Variants in GLT8D2 observed in about 807,000 individuals in gnomAD.
GLT8D2 encodes the protein glycosyltransferase 8 domain containing 2, also known as glycosyltransferase 8 domain-containing protein 2.
GLT8D2 carries 45 observed loss-of-function variants against 44.5 expected under a neutral mutation model. The ratio of observed to expected loss-of-function variants is 1.01; its 90% confidence interval spans 0.80 to 1.30. The LOEUF is 1.30. Among genes scored for constraint, GLT8D2 ranks in the 50% most tolerant of loss-of-function variants. The pLI, the probability that GLT8D2 is intolerant of heterozygous loss-of-function variation, is 0.00. For missense variants in GLT8D2, 400 were observed against 430.4 expected, an observed-to-expected ratio of 0.93 and a Z score of 0.62; for synonymous variants, 156 against 157.2, an observed-to-expected ratio of 0.99 and a Z score of 0.06.
intron 1 of GLT8D2, among the ~76,000 whole-genome samples, chr12:104,058,904 G>A (rs1309553858): frequency 6.6e-6 from 1 of 152,210 alleles, no homozygotes; most frequent in Non-Finnish European, 1.5e-5. Context: ...ACCACGGATA[G>A]CACCAAATCC....
rs368974398 is a variant in GLT8D2, at chr12:104,045,248, T to A, written c.-164+4647A>T. ...CACTCCAGGAATAAAAGCAGAGGGC[T>A]CTGGTCATCTCATCAGCCTTCCTGC... On this transcript the variant is annotated intron_variant, in intron 1 of 10. Coordinates refer to ENST00000360814, the MANE Select transcript of GLT8D2 (RefSeq NM_001384711.1). Among the ~76,000 whole-genome samples the A allele has an allele frequency of 3.4e-3, 523 of 152,294 alleles. 3 individuals carry two copies. The highest frequency in any genetic ancestry group is 0.014 in the South Asian group (68 of 4,822).
intron 1 of GLT8D2, among the ~76,000 whole-genome samples, chr12:104,024,239 CA>C (rs201897810): frequency 6.6e-6 from 1 of 151,840 alleles, no homozygotes; most frequent in African/African-American, 2.4e-5. Context: ...ACAAAACAAA[CA>C]AAAAAACCCT....
At chr12:104,010,151 C>G (rs1875639180) in intron 4 of GLT8D2, among the ~76,000 whole-genome samples, 1 of 152,170 alleles carries the variant, frequency 6.6e-6, no homozygotes, top group African/African-American at 2.4e-5. Flanking sequence ...CGTTTCTTTG[C>G]TGCTGAAAGT....
chr12:103,993,060 G>C (rs1872967092), intron 10 of GLT8D2, among the ~76,000 whole-genome samples: 1 of 152,106 alleles, frequency 6.6e-6, no homozygotes, highest in Non-Finnish European at 1.5e-5. Flanking sequence ...GGCCGGGCAT[G>C]GTGGCTTATG....
Position 104,047,305 on chromosome 12 carries a change from C to CTTT in GLT8D2, c.-164+2587_-164+2589dup, listed in dbSNP as rs35333809. Reference sequence around the variant, plus strand: ...AAGGGGTGAACCAGCTCTCTTAGGCCTTTTTTTTTTTTTTTTGAGATGGAG... The same window carrying CTTT: ...AAGGGGTGAACCAGCTCTCTTAGGCCTTTTTTTTTTTTTTTTTTTGAGATGGAG... On this transcript the variant is annotated intron_variant, in intron 1 of 10. Coordinates refer to ENST00000360814, the MANE Select transcript of GLT8D2 (RefSeq NM_001384711.1). 5.0e-3 allele frequency among the ~76,000 whole-genome samples: 652 copies of CTTT among 130,840 alleles called. 10 individuals carry two copies. The highest frequency in any genetic ancestry group is 0.012 in the African/African-American group (437 of 35,094). 85.8% of individuals were successfully genotyped at this position (130,840 alleles called of 152,430 possible).
intron 4 of GLT8D2, among the ~76,000 whole-genome samples, chr12:104,005,211 C>T (rs902236497): frequency 6.6e-5 from 10 of 152,296 alleles, no homozygotes; most frequent in Middle Eastern, 3.4e-3. Flanking sequence ...CCCTTCCTTA[C>T]ACCTTATACA....
At chr12:104,021,617 A>C (rs116466189) in intron 1 of GLT8D2, 126 bp from the exon 2 acceptor site, 462 of 151,658 alleles carry the variant, frequency 3.0e-3, no homozygotes, top group African/African-American at 0.011. Flanking sequence ...CCCCTGCAAC[A>C]ATCTCTACAA....
intron 6 of GLT8D2, 37 bp from the exon 7 acceptor site, chr12:103,997,572 G>T: frequency 6.9e-7 from 1 of 1,442,974 alleles, no homozygotes; most frequent in Non-Finnish European, 9.8e-7. Flanking sequence ...GTGGGGGAGA[G>T]GCATATGGCT....
intron 5 of GLT8D2, among the ~76,000 whole-genome samples, chr12:104,001,959 C>G (rs985336787): frequency 2.6e-5 from 4 of 152,120 alleles, no homozygotes; most frequent in African/African-American, 9.7e-5. Flanking sequence ...CAGGAGTTAG[C>G]CACTGCGCCC....
chr12:104,021,942 GAAGAAGAAGAAGAGGAA>G (rs1566202494), intron 1 of GLT8D2, among the ~76,000 whole-genome samples: 552 of 26,058 alleles, frequency 0.021, 65 homozygotes, highest in African/African-American at 0.039. Context: ...AGAAGAAGAA[GAAGAAGAAGAAGAGGAA>G]GAAGAGGAAG....
chr12:104,002,291 T>C (rs1874321865), intron 5 of GLT8D2, among the ~76,000 whole-genome samples: 1 of 152,220 alleles, frequency 6.6e-6, no homozygotes, highest in Non-Finnish European at 1.5e-5. Context: ...TGGCCATTTG[T>C]ATTTTTTTCC....
intron 1 of GLT8D2, among the ~76,000 whole-genome samples, chr12:104,045,918 A>AAAGAAAGAAAGAAAGAAAGAAAGAAG (rs1881049333): frequency 2.8e-4 from 41 of 145,932 alleles, no homozygotes; most frequent in African/African-American, 1.0e-3. Context: ...AAAGAAAGAA[A>AAAGAAAGAAAGAAAGAAAGAAAGAAG]GAAAGAAAGA....
chr12:104,064,339 C>T, upstream of GLT8D2: 1 of 437,080 alleles, frequency 2.3e-6, no homozygotes, highest in African/African-American at 2.1e-5. The surrounding 1 kb of genome is among the most constrained non-coding windows in gnomAD (Gnocchi z 7.3). Flanking sequence ...TGCGTTGCTC[C>T]GGGTGGCCGC....
intron 1 of GLT8D2, among the ~76,000 whole-genome samples, chr12:104,056,142 C>T (rs1452380066): frequency 6.6e-6 from 1 of 152,186 alleles, no homozygotes; most frequent in Non-Finnish European, 1.5e-5. Flanking sequence ...GGAGCCCTGC[C>T]TTGCTCTTGC....
chr12:104,008,952 T>A (rs1265588283), intron 4 of GLT8D2, among the ~76,000 whole-genome samples: 1 of 152,190 alleles, frequency 6.6e-6, no homozygotes, highest in East Asian at 1.9e-4. Context: ...TTTCAGAAGA[T>A]GTATGGAAAT....
Position 104,003,299 on chromosome 12 carries a change from T to A in GLT8D2, c.120A>T (p.Glu40Asp). The A allele has an allele frequency of 6.2e-7, 1 of 1,613,960 alleles. No homozygotes were observed. The highest frequency in any genetic ancestry group is 1.1e-5 in the South Asian group (1 of 91,052). Residue 40 changes from glutamate (E) to aspartate (D), a missense_variant, in exon 5 of 11, where the codon GAA (glutamate) becomes GAT (aspartate). Physicochemically the swap from Glu to Asp is conservative, Grantham distance 45 (BLOSUM62 2). Transcript: ENST00000360814. ...CTTCCAGTTCTTCAGGAGTCTCGGA[T>A]TCATCATCTGGAAACATAAAAACTG... ...GTVPKNDADD[E>D]SETPEELEEE...
upstream of GLT8D2, chr12:104,050,350 C>A (rs527635351): frequency 6.6e-6 from 1 of 152,350 alleles, no homozygotes; most frequent in South Asian, 2.1e-4. Context: ...TTCTACCACA[C>A]GTTGAGTCGA....
Position 104,058,113 on chromosome 12 carries a change from G to T in GLT8D2, c.-423+5836C>A, listed in dbSNP as rs547717938. On this transcript the variant is annotated intron_variant, in intron 1 of 10. Transcript: ENST00000548660. Reference sequence around the variant, plus strand: ...GATGGTAGTCTCACCTCTCCCCTTTGTCTCTGGCTGTTCTCAGGGATATTT... The same window carrying T: ...GATGGTAGTCTCACCTCTCCCCTTTTTCTCTGGCTGTTCTCAGGGATATTT... Among the ~76,000 whole-genome samples, 5 of 152,294 alleles carry T rather than the reference G, an allele frequency of 3.3e-5. No homozygotes were observed. In the South Asian group the frequency reaches 1.0e-3, roughly 32 times the overall value.
At chr12:104,005,033 G>C (rs1319245937) in intron 4 of GLT8D2, among the ~76,000 whole-genome samples, 1 of 152,062 alleles carries the variant, frequency 6.6e-6, no homozygotes, top group East Asian at 1.9e-4. Flanking sequence ...CCAAAACAGA[G>C]ATATAGACCA....
Sources: gnomAD v4.1 joint callset for allele counts (sites outside exome capture counted in the v4.1 genomes callset) on GRCh38, gnomAD v4.1.1 for gene constraint, Gnocchi (gnomAD v3.1) non-coding constraint, MANE v1.5 for transcripts, NCBI Gene and HGNC (gene_info 2026-07-23, HGNC 2026-07-21) for gene names.